Variants in PLK1 observed in about 807,000 individuals in gnomAD.
PLK1 encodes polo like kinase 1, also known as serine/threonine-protein kinase PLK1.
In PLK1, 6 loss-of-function variants were observed where a neutral mutation model predicts 56.7. The ratio of observed to expected loss-of-function variants is 0.11; its 90% CI spans 0.06 to 0.21. The LOEUF (loss-of-function observed/expected upper bound fraction) is 0.21. Ranked by LOEUF, PLK1 falls within the 10% of genes least tolerant of loss-of-function variation. The pLI is 1.00. For missense variants in PLK1, 546 were observed against 814.4 expected, an observed-to-expected ratio of 0.67 and a Z score of 4.01; for synonymous variants, 298 against 325.0, an observed-to-expected ratio of 0.92 and a Z score of 0.89.
chr16:23,689,327 A>G lies in PLK1; in HGVS notation c.1360A>G (p.Ile454Val), dbSNP rs767455739. Residue 454 changes from isoleucine (I) to valine (V), a missense_variant, in exon 8 of 10, where the codon ATA becomes GTA. Physicochemically the swap from Ile to Val is conservative, Grantham distance 29 (BLOSUM62 3). This residue lies in a region of PLK1 where 113 missense variants were observed against 202.0 expected (regional missense o/e 0.56). Transcript: ENST00000300093. This position sits in a 1 kb window ranked among gnomAD's most constrained non-coding sequence, Gnocchi z 4.8. ...CAATGATGGTGACAGCCTGCAGTAC[A>G]TAGAGCGTGACGGCACTGAGTCCTA... ...LYNDGDSLQY[I>V]ERDGTESYLT... The G allele has an allele frequency of 3.1e-6, 5 of 1,614,068 alleles. No individual in the cohort carries two copies. Among genetic ancestry groups the G allele is most frequent in the Non-Finnish European group, 4.2e-6 (5 of 1,179,914 alleles).
Position 23,690,317 on chromosome 16 carries a change from C to A in PLK1, c.*254C>A. ...TTGTACAGAATATTTCTATTGAATTCGGAACTGTCCTTTCCTTGGCTTTAT... is the reference window on the plus strand; with the variant it reads ...TTGTACAGAATATTTCTATTGAATTAGGAACTGTCCTTTCCTTGGCTTTAT... On this transcript the variant is annotated 3_prime_UTR_variant, in exon 10 of 10. Coordinates refer to ENST00000300093, the MANE Select transcript of PLK1 (RefSeq NM_005030.6). 1.7e-6 allele frequency: 1 copy of A among 575,128 alleles called. No individual in the cohort carries two copies. The highest frequency in any genetic ancestry group is 3.1e-6 in the Non-Finnish European group (1 of 320,078). The allele number at this position is 575,128 out of a possible 1,614,324, so 35.6% of individuals were successfully genotyped here.
Position 23,679,322 on chromosome 16 carries a change from G to A in PLK1, c.390G>A (p.Leu130=), listed in dbSNP as rs1219806892. The A allele has an allele frequency of 4.3e-6, 7 of 1,612,494 alleles. No homozygotes were observed. The highest frequency in any genetic ancestry group is 5.9e-6 in the Non-Finnish European group (7 of 1,179,154). ...FEDNDFVFVV[L]ELCRRRSLLE... ...ACAACGACTTCGTGTTCGTGGTGTT[G>A]GAGCTCTGCCGCCGGAGGGTGAGTG... The change falls in exon 1 of 10, where the codon TTG becomes TTA. Residue 130 remains leucine, a synonymous_variant. Coordinates refer to ENST00000300093, the MANE Select transcript of PLK1 (RefSeq NM_005030.6).
At chr16:23,686,742 C>CG (rs1434713617) in intron 5 of PLK1, among the ~76,000 whole-genome samples, 1 of 152,212 alleles carries the variant, frequency 6.6e-6, no homozygotes, top group Non-Finnish European at 1.5e-5. Flanking sequence ...CTACCTGCCT[C>CG]GGTCTCTCAT....
At chr16:23,679,523 A>T (rs1959296995) in intron 1 of PLK1, 183 bp downstream of exon 1, 2 of 591,996 alleles carry the variant, frequency 3.4e-6, no homozygotes, top group East Asian at 5.7e-5. Flanking sequence ...TGGCTCTGGG[A>T]GCTGCTAGAG....
At chr16:23,685,022 C>A (rs895329647) in intron 5 of PLK1, among the ~76,000 whole-genome samples, 5 of 114,338 alleles carry the variant, frequency 4.4e-5, no homozygotes, top group African/African-American at 1.7e-4. Context: ...GGCTCTGTCT[C>A]CTAGGCTGGA....
At chr16:23,687,173 T>C in intron 5 of PLK1, 1 of 220,518 alleles carries the variant, frequency 4.5e-6, no homozygotes, top group East Asian at 8.9e-5. Flanking sequence ...CATTCTTTGC[T>C]CAAAGCTGGG....
intron 5 of PLK1, among the ~76,000 whole-genome samples, chr16:23,685,536 GTC>G (rs1410314558): frequency 6.6e-6 from 1 of 151,992 alleles, no homozygotes; most frequent in African/African-American, 2.4e-5. Context: ...GCGAAACGCT[GTC>G]TCTACTAAAA....
intron 6 of PLK1, 183 bp downstream of exon 6, chr16:23,687,807 G>C (rs570064338): frequency 4.9e-6 from 2 of 409,754 alleles, no homozygotes; most frequent in Non-Finnish European, 8.5e-6. Context: ...TTTCTGATCC[G>C]TCTTTTTTAC....
intron 5 of PLK1, among the ~76,000 whole-genome samples, chr16:23,685,453 AT>A (rs1408973862): frequency 6.6e-6 from 1 of 151,840 alleles, no homozygotes; most frequent in Non-Finnish European, 1.5e-5. Flanking sequence ...TAATTAAAAA[AT>A]TTTTTTCTTT....
chr16:23,679,426 A>G, intron 1 of PLK1, 86 bp downstream of exon 1: 1 of 1,300,108 alleles, frequency 7.7e-7, no homozygotes, highest in Non-Finnish European at 1.1e-6. Context: ...GTACCCAGCA[A>G]GGGAGAGCCT....
intron 1 of PLK1, 70 bp downstream of exon 1, chr16:23,679,410 G>A (rs533830350): frequency 3.5e-6 from 5 of 1,440,954 alleles, no homozygotes; most frequent in Admixed American, 1.9e-5. Flanking sequence ...GGAGCTGCTG[G>A]AAAGAGTACC....
Position 23,687,632 on chromosome 16 carries a change from C to T in PLK1, c.1192+8C>T. 1.3e-6 allele frequency: 2 copies of T among 1,546,576 alleles called. No individual in the cohort carries two copies. The highest frequency in any genetic ancestry group is 2.4e-5 in the East Asian group (1 of 41,550). ...GTGGGCTGGTCAGGCAAGGTGGGTA[C>T]TGCGGGGCCCTGGGCGGGGCAGGAT... On this transcript the variant is annotated splice_region_variant and intron_variant, in intron 6 of 9. Transcript: ENST00000300093.
rs1461178167 is a variant in PLK1 at position 23,690,051 on chromosome 16, C to T, written c.1800C>T (p.Leu600=). 9.9e-6 allele frequency: 16 copies of T among 1,609,744 alleles called. No homozygotes were observed. The East Asian group carries it at 3.1e-4, about 31-fold the overall frequency. The part of the protein sequence containing the change: ...LLSSRSASNR[L]KAS ...GCTCACGCTCGGCCAGCAACCGTCT[C>T]AAGGCCTCCTAATAGCTGCCCTCCC... Residue 600 remains leucine, a synonymous_variant, in exon 10 of 10, where the codon CTC becomes CTT. Transcript: ENST00000300093.
rs965657433 is a variant in PLK1, at chr16:23,683,772, G to A, written c.817-98G>A. 15 of 871,074 alleles carry A rather than the reference G, an allele frequency of 1.7e-5. No homozygotes were observed. In the South Asian group the frequency reaches 1.8e-4, roughly 10 times the overall value. The allele number at this position is 871,074 out of a possible 1,614,324, so 54.0% of individuals were successfully genotyped here. On this transcript the variant is annotated intron_variant, in intron 4 of 9. Coordinates refer to ENST00000300093, the MANE Select transcript of PLK1 (RefSeq NM_005030.6). The stretch of plus-strand genomic sequence containing the variant: ...ACCTGTGGTGTATTTGAGACTGGGG[G>A]CTGCATGTGGGCTGGGGACCTGCAG...
chr16:23,679,456 G>A, intron 1 of PLK1, 116 bp downstream of exon 1: 1 of 1,006,640 alleles, frequency 9.9e-7, no homozygotes, highest in Admixed American at 2.5e-5. Flanking sequence ...AGCTGCTAGA[G>A]AAGGGTGCTG....
At chr16:23,686,498 T>A (rs1959430304) in intron 5 of PLK1, among the ~76,000 whole-genome samples, 1 of 152,228 alleles carries the variant, frequency 6.6e-6, no homozygotes, top group Middle Eastern at 3.4e-3. Flanking sequence ...ATTTACTATT[T>A]ATTATTATTT....
rs551243981 is a variant in PLK1 at position 23,689,765 on chromosome 16, C to T, written c.1608+89C>T. On this transcript the variant is annotated intron_variant, in intron 9 of 9. Coordinates refer to ENST00000300093, the MANE Select transcript of PLK1 (RefSeq NM_005030.6). This position sits in a 1 kb window ranked among gnomAD's most constrained non-coding sequence, Gnocchi z 4.8. ...CCATGTGGGTTGAATGTGGAGTGAGCGGCTCAGGTACCTATAACCTGTTGT... is the reference window on the plus strand; with the variant it reads ...CCATGTGGGTTGAATGTGGAGTGAGTGGCTCAGGTACCTATAACCTGTTGT... The T allele has an allele frequency of 2.7e-5, 41 of 1,516,556 alleles. No individual in the cohort carries two copies. The highest frequency in any genetic ancestry group is 2.4e-4 in the Admixed American group (14 of 58,598). 93.9% of individuals were successfully genotyped at this position (1,516,556 alleles called of 1,614,324 possible). A position where few individuals can be genotyped will look rare whatever the true frequency, so the allele number is the denominator to read the frequency against.
At position 23,689,417 on chromosome 16, in the gene PLK1, G is replaced by A. The variant is rs1240342967; in HGVS notation, c.1425+25G>A. 3.7e-6 allele frequency: 6 copies of A among 1,602,266 alleles called. No homozygotes were observed. The highest frequency in any genetic ancestry group is 5.1e-6 in the Non-Finnish European group (6 of 1,169,924). Reference sequence around the variant, plus strand: ...GGTGAGTGCCGTCCGGCCCATGGGGGGTGGTGTTGCAGAAGTGGGACCTGT... The same window carrying A: ...GGTGAGTGCCGTCCGGCCCATGGGGAGTGGTGTTGCAGAAGTGGGACCTGT... On this transcript the variant is annotated intron_variant, in intron 8 of 9. Coordinates refer to ENST00000300093, the MANE Select transcript of PLK1 (RefSeq NM_005030.6). This position sits in a 1 kb window ranked among gnomAD's most constrained non-coding sequence, Gnocchi z 4.8.
intron 4 of PLK1, 62 bp from the exon 5 acceptor site, chr16:23,683,808 G>T: frequency 7.8e-7 from 1 of 1,286,734 alleles, no homozygotes; most frequent in East Asian, 2.3e-5. Flanking sequence ...CTCCTTTGAG[G>T]CCGTACTGTA....
Sources: allele counts gnomAD v4.1 joint callset (sites outside exome capture counted in the v4.1 genomes callset), GRCh38; gene constraint gnomAD v4.1.1; regional missense constraint gnomAD v4.1.1; non-coding constraint Gnocchi (gnomAD v3.1); transcripts MANE v1.5; gene names NCBI Gene and HGNC (gene_info 2026-07-23, HGNC 2026-07-21).